The following PLPP4 variants were observed in gnomAD, a reference collection of about 807,000 sequenced individuals.
PLPP4 encodes the protein phospholipid phosphatase 4.
A neutral mutation model predicts 32.2 loss-of-function variants in PLPP4; 20 were observed. The observed-to-expected ratio is 0.62, with a 90% CI of 0.44 to 0.90. The LOEUF is 0.90. PLPP4 is among the 40% of genes least tolerant of loss of function. The pLI is 0.00. For synonymous variants in PLPP4, 127 were observed against 133.0 expected, an observed-to-expected ratio of 0.95 and a Z score of 0.31; for missense variants, 257 against 353.1, an observed-to-expected ratio of 0.73 and a Z score of 2.18.
intron 3 of PLPP4, 145 bp from the exon 4 acceptor site, chr10:120,518,688 A>G: frequency 1.7e-6 from 1 of 594,796 alleles, no homozygotes; most frequent in East Asian, 3.1e-5. Flanking sequence ...ACCCAAACGT[A>G]TCTCTGTTTT....
intron 5 of PLPP4, among the ~76,000 whole-genome samples, chr10:120,560,726 A>G (rs540621232): frequency 1.4e-3 from 206 of 152,314 alleles, no homozygotes; most frequent in African/African-American, 4.7e-3. Flanking sequence ...CTGCACTCCA[A>G]CCTGGGTGGC....
chr10:120,480,273 A>G (rs1229820100), intron 1 of PLPP4, among the ~76,000 whole-genome samples: 1 of 152,160 alleles, frequency 6.6e-6, no homozygotes, highest in Non-Finnish European at 1.5e-5. Context: ...TGACTAATCC[A>G]GTAGTTACAG....
At chr10:120,562,001 C>G (rs1450551327) in intron 5 of PLPP4, among the ~76,000 whole-genome samples, 1 of 152,186 alleles carries the variant, frequency 6.6e-6, no homozygotes, top group Non-Finnish European at 1.5e-5. Context: ...AAAACCCTTA[C>G]TAAGATTTTG....
chr10:120,475,672 T>A (rs1843869382), intron 1 of PLPP4, among the ~76,000 whole-genome samples: 1 of 152,204 alleles, frequency 6.6e-6, no homozygotes, highest in Non-Finnish European at 1.5e-5. Context: ...CCTGCAATGG[T>A]CTCCCTGGCC....
At chr10:120,536,971 A>G (rs2133950441) in intron 5 of PLPP4, among the ~76,000 whole-genome samples, 1 of 152,326 alleles carries the variant, frequency 6.6e-6, no homozygotes, top group African/African-American at 2.4e-5. Context: ...GGGAAATGCC[A>G]TTCAGAACTA....
intron 1 of PLPP4, among the ~76,000 whole-genome samples, chr10:120,502,968 A>G (rs1262087224): frequency 6.6e-6 from 1 of 151,686 alleles, no homozygotes; most frequent in Admixed American, 6.6e-5. Context: ...AGCTTCAGCC[A>G]CTCCTGCCCA....
At chr10:120,492,386 C>T (rs548155970) in intron 1 of PLPP4, among the ~76,000 whole-genome samples, 22 of 152,280 alleles carry the variant, frequency 1.4e-4, no homozygotes, top group African/African-American at 4.1e-4. Context: ...AATATGCTTA[C>T]GTTTACACCA....
chr10:120,524,879 T>G (rs75443150), intron 5 of PLPP4, among the ~76,000 whole-genome samples: 2,478 of 152,340 alleles, frequency 0.016, 70 homozygotes, highest in African/African-American at 0.056. Context: ...TCTCAGAGCG[T>G]AATCCCGATT....
chr10:120,553,644 G>A (rs139716806), intron 5 of PLPP4, among the ~76,000 whole-genome samples: 1 of 152,336 alleles, frequency 6.6e-6, no homozygotes, highest in East Asian at 1.9e-4. Flanking sequence ...AAAGAGGCAG[G>A]AGGCTTCCAA....
rs1849984567 is a variant in PLPP4 at position 120,591,274 on chromosome 10, G to A, written c.*1772G>A. Among the ~76,000 whole-genome samples, 2 of 152,146 alleles carry A rather than the reference G, an allele frequency of 1.3e-5. No homozygotes were observed. On this transcript the variant is annotated 3_prime_UTR_variant, in exon 7 of 7. Transcript: ENST00000398250. The stretch of plus-strand genomic sequence containing the variant: ...ACTATGCTCCATGAGCCCCAGTGCA[G>A]CCCTCTCCAGCCCTGGTCCTTCCAA...
intron 1 of PLPP4, among the ~76,000 whole-genome samples, chr10:120,491,185 G>T (rs139220959): frequency 6.6e-6 from 1 of 152,298 alleles, no homozygotes; most frequent in East Asian, 1.9e-4. Context: ...GCTCTGGGTT[G>T]CCCAGGAAGC....
rs557116055 is a variant in PLPP4, at chr10:120,537,839, G to A, written c.445+16744G>A. 1.0e-3 allele frequency among the ~76,000 whole-genome samples: 157 copies of A among 151,826 alleles called. 1 individual carries two copies. Among genetic ancestry groups the A allele is most frequent in the African/African-American group, 3.0e-3 (126 of 41,412 alleles). On this transcript the variant is annotated intron_variant, in intron 5 of 6. Coordinates refer to ENST00000398250, the MANE Select transcript of PLPP4 (RefSeq NM_001030059.3). ...TATTTGTCAATTATAGCTCAATAAA[G>A]CTGAAAACAATTAAAGATCTAAATA...
chr10:120,563,010 C>A, intron 5 of PLPP4, among the ~76,000 whole-genome samples: 1 of 152,114 alleles, frequency 6.6e-6, no homozygotes, highest in East Asian at 1.9e-4. Flanking sequence ...GAAGCCAAGG[C>A]GGGTGGATCA....
At chr10:120,542,263 G>C (rs965288079) in intron 5 of PLPP4, among the ~76,000 whole-genome samples, 4 of 152,214 alleles carry the variant, frequency 2.6e-5, no homozygotes. Flanking sequence ...AGCCAGCATG[G>C]GCTCAGATGC....
chr10:120,457,836 C>G (rs1847861624), intron 1 of PLPP4, among the ~76,000 whole-genome samples: 1 of 152,204 alleles, frequency 6.6e-6, no homozygotes, highest in South Asian at 2.1e-4. Flanking sequence ...GCGGTCCTGG[C>G]GAGCGTTTTC....
chr10:120,573,378 G>A (rs1252563320), intron 5 of PLPP4, among the ~76,000 whole-genome samples: 3 of 152,030 alleles, frequency 2.0e-5, no homozygotes, highest in Admixed American at 6.5e-5. Context: ...GTTTGTAACC[G>A]AGATCGCTTT....
intron 1 of PLPP4, among the ~76,000 whole-genome samples, chr10:120,466,235 A>G (rs1848303568): frequency 6.6e-6 from 1 of 152,188 alleles, no homozygotes; most frequent in African/African-American, 2.4e-5. Context: ...TTCTGCAGGC[A>G]GATGGGCAGC....
intron 5 of PLPP4, among the ~76,000 whole-genome samples, chr10:120,522,183 T>C (rs2133912186): frequency 6.6e-6 from 1 of 152,350 alleles, no homozygotes; most frequent in East Asian, 1.9e-4. Context: ...ATTATTTACC[T>C]TTAGCAAGCC....
intron 6 of PLPP4, among the ~76,000 whole-genome samples, chr10:120,583,272 A>G (rs1289635755): frequency 2.0e-5 from 3 of 151,878 alleles, no homozygotes; most frequent in Non-Finnish European, 4.4e-5. Flanking sequence ...TCAGTATGGC[A>G]GAACTCATAA....
Sources: allele counts gnomAD v4.1 joint callset (sites outside exome capture counted in the v4.1 genomes callset), GRCh38; gene constraint gnomAD v4.1.1; transcripts MANE v1.5; gene names NCBI Gene and HGNC (gene_info 2026-07-23, HGNC 2026-07-21).